AGBL3: variants seen among roughly 807,000 people sequenced by gnomAD.
AGBL3 encodes the protein cytosolic carboxypeptidase 3.
Under a neutral mutation model 94.5 loss-of-function variants are expected in AGBL3, and 68 were observed. The observed-to-expected ratio is 0.72, with a 90% CI of 0.59 to 0.88. AGBL3 has a LOEUF of 0.88. Among genes scored for constraint, AGBL3 ranks in the 40% least tolerant of loss-of-function variants. AGBL3 has a pLI of 0.00. For synonymous variants in AGBL3, 354 were observed against 370.7 expected, an observed-to-expected ratio of 0.95 and a Z score of 0.52; for missense variants, 934 against 1,103.8, an observed-to-expected ratio of 0.85 and a Z score of 2.18.
chr7:134,989,635 G>A lies in AGBL3; in HGVS notation c.124+325G>A, dbSNP rs145870607. Among the ~76,000 whole-genome samples, 355 of 152,242 alleles carry A rather than the reference G, an allele frequency of 2.3e-3. 1 individual carries two copies. Among genetic ancestry groups the A allele is most frequent in the African/African-American group, 7.8e-3 (326 of 41,552 alleles). ...GTTAGAAGTACATCTTCATTTAAAC[G>A]AAGTACATTGTCTAAAGAGTCTCAT... On this transcript the variant is annotated intron_variant, in intron 3 of 16. Coordinates refer to ENST00000436302, the MANE Select transcript of AGBL3 (RefSeq NM_178563.4).
At chr7:135,048,867 C>T (rs1038339301) in intron 11 of AGBL3, among the ~76,000 whole-genome samples, 8 of 151,296 alleles carry the variant, frequency 5.3e-5, no homozygotes, top group African/African-American at 1.9e-4. Context: ...CCTTTTCATT[C>T]GTTCTCTTGC....
chr7:135,072,711 C>G (rs1055879035), intron 12 of AGBL3, among the ~76,000 whole-genome samples: 3 of 140,734 alleles, frequency 2.1e-5, no homozygotes, highest in Non-Finnish European at 1.5e-5. Context: ...GGGAATTGAA[C>G]AATGAGAACA....
intron 12 of AGBL3, among the ~76,000 whole-genome samples, chr7:135,071,339 A>C (rs567360458): frequency 6.0e-4 from 92 of 152,256 alleles, no homozygotes; most frequent in Non-Finnish European, 1.1e-3. Context: ...ATACTGCCCA[A>C]GGTAATTTGT....
At chr7:135,077,731 CT>C (rs1469678557) in intron 13 of AGBL3, among the ~76,000 whole-genome samples, 4 of 151,824 alleles carry the variant, frequency 2.6e-5, no homozygotes, top group African/African-American at 9.7e-5. Flanking sequence ...CTTTATGCCC[CT>C]GAGTCAAATC....
intron 12 of AGBL3, among the ~76,000 whole-genome samples, chr7:135,062,135 T>C (rs1202555402): frequency 2.0e-5 from 3 of 152,080 alleles, no homozygotes; most frequent in East Asian, 1.9e-4. Context: ...TATTCCTACA[T>C]ATTTTTTGTA....
In AGBL3 at chr7:135,135,448, G is replaced by C. The variant is rs1562914452; in HGVS notation, c.*187G>C. Reference sequence around the variant, plus strand: ...GGAACATCTTTCAGAGATTTAAAAAGAAATCCAGAGAAAATATGGAAAAAT... The same window carrying C: ...GGAACATCTTTCAGAGATTTAAAAACAAATCCAGAGAAAATATGGAAAAAT... On this transcript the variant is annotated 3_prime_UTR_variant, in exon 17 of 17. Coordinates refer to ENST00000436302, the MANE Select transcript of AGBL3 (RefSeq NM_178563.4). 5 of 405,380 alleles carry C rather than the reference G, an allele frequency of 1.2e-5. No individual in the cohort carries two copies. The East Asian group carries it at 1.5e-4, about 12-fold the overall frequency. The allele number at this position is 405,380 out of a possible 1,614,324, so 25.1% of individuals were successfully genotyped here.
At chr7:135,053,364 T>C (rs533959649) in intron 11 of AGBL3, among the ~76,000 whole-genome samples, 7 of 152,146 alleles carry the variant, frequency 4.6e-5, no homozygotes, top group African/African-American at 1.7e-4. Context: ...TCCCAACACT[T>C]TGGGAGGCTG....
rs74392929 is a variant in AGBL3, at chr7:135,030,158, TAA to T, written c.419-2669_419-2668del. 2.6e-3 allele frequency among the ~76,000 whole-genome samples: 307 copies of T among 117,356 alleles called. 2 individuals are homozygous for T. Among genetic ancestry groups the T allele is most frequent in the African/African-American group, 7.2e-3 (236 of 32,606 alleles). The allele number at this position is 117,356 out of a possible 152,430, so 77.0% of individuals were successfully genotyped here. A position where few individuals can be genotyped will look rare whatever the true frequency, so the allele number is the denominator to read the frequency against. The stretch of plus-strand genomic sequence containing the variant: ...TGCTCAACACAAACCTTTAATTTGT[TAA>T]AAAAAAAAAAAAAAAAGAAAGAAAA... On this transcript the variant is annotated intron_variant, in intron 5 of 16. Transcript: ENST00000436302.
rs1023471224 is a variant in AGBL3, at chr7:135,081,611, T to C, written c.2039-108T>C. 3.2e-5 allele frequency: 21 copies of C among 656,852 alleles called. No homozygotes were observed. The African/African-American group carries it at 3.6e-4, about 11-fold the overall frequency. The allele number at this position is 656,852 out of a possible 1,614,324, so 40.7% of individuals were successfully genotyped here. The stretch of plus-strand genomic sequence containing the variant: ...TTAATTTCATTGAACTAAACTACTG[T>C]CTACAAGTTATTTACTAGCATTTTC... On this transcript the variant is annotated intron_variant, in intron 14 of 16. Coordinates refer to ENST00000436302, the MANE Select transcript of AGBL3 (RefSeq NM_178563.4).
chr7:135,112,355 A>G (rs1231887554), intron 15 of AGBL3, among the ~76,000 whole-genome samples: 2 of 152,194 alleles, frequency 1.3e-5, no homozygotes, highest in African/African-American at 4.8e-5. Context: ...TTTATTTAGC[A>G]TCTGTCAGTC....
chr7:135,115,858 A>G (rs1241859488), intron 16 of AGBL3: 1 of 394,936 alleles, frequency 2.5e-6, no homozygotes, highest in Non-Finnish European at 4.5e-6. Context: ...ATCTATTAAT[A>G]AAGTAGGCAT....
rs1485223238 is a variant in AGBL3, at chr7:135,005,540, T to C, written c.311-11512T>C. ...GTGGTAAGATGTCAACTCTCCCCAGTTGACATATAGGTTTCAAGAAATTCC... is the reference window on the plus strand; with the variant it reads ...GTGGTAAGATGTCAACTCTCCCCAGCTGACATATAGGTTTCAAGAAATTCC... On this transcript the variant is annotated intron_variant, in intron 4 of 16. Transcript: ENST00000436302. 3.3e-5 allele frequency among the ~76,000 whole-genome samples: 5 copies of C among 151,920 alleles called. 1 individual carries two copies. In the South Asian group the frequency reaches 6.2e-4, roughly 19 times the overall value.
intron 11 of AGBL3, among the ~76,000 whole-genome samples, chr7:135,048,126 T>A (rs1817544864): frequency 6.6e-6 from 1 of 152,008 alleles, no homozygotes; most frequent in Non-Finnish European, 1.5e-5. Flanking sequence ...TCCCATTGTG[T>A]ATCCTTGGCA....
chr7:135,031,134 G>A (rs758661552), intron 5 of AGBL3, among the ~76,000 whole-genome samples: 2 of 151,848 alleles, frequency 1.3e-5, no homozygotes, highest in African/African-American at 4.8e-5. Flanking sequence ...TTATCTTGGA[G>A]TCTGCTGAAT....
intron 5 of AGBL3, among the ~76,000 whole-genome samples, chr7:135,023,993 A>C (rs1814803289): frequency 6.6e-6 from 1 of 152,090 alleles, no homozygotes. Context: ...GTGAGTGCTG[A>C]GTGTAGATCT....
intron 4 of AGBL3, among the ~76,000 whole-genome samples, chr7:135,002,215 G>A (rs1369024868): frequency 1.3e-5 from 2 of 152,136 alleles, no homozygotes; most frequent in African/African-American, 4.8e-5. Context: ...TGACATTAAT[G>A]GTTATGGCTT....
chr7:135,099,645 A>G (rs1251213689), intron 15 of AGBL3, among the ~76,000 whole-genome samples: 1 of 152,024 alleles, frequency 6.6e-6, no homozygotes, highest in Non-Finnish European at 1.5e-5. Flanking sequence ...TAAGATTTTG[A>G]TTTTGAATTA....
chr7:135,135,000 A>G lies in AGBL3; in HGVS notation c.2502A>G (p.Lys834=), dbSNP rs760068106. Reference sequence around the variant, plus strand: ...CATTGGAAAGTTTATCACCTCTCAAAGGCCCCAAGAAGAATAAACATTCTC... The same window carrying G: ...CATTGGAAAGTTTATCACCTCTCAAGGGCCCCAAGAAGAATAAACATTCTC... ...HRSLESLSPL[K]GPKKNKHSQI... The change falls in exon 17 of 17, where the codon AAA becomes AAG. Residue 834 remains lysine (K), a synonymous_variant. Transcript: ENST00000436302. 1.3e-6 allele frequency: 2 copies of G among 1,551,194 alleles called. No individual in the cohort carries two copies. Among genetic ancestry groups the G allele is most frequent in the South Asian group, 2.4e-5 (2 of 84,038 alleles).
In AGBL3 at chr7:135,044,095, A is replaced by C. The variant is rs768032541; in HGVS notation, c.1571A>C (p.Lys524Thr). The change falls in exon 9 of 17, where the codon AAA becomes ACA. Residue 524 changes from lysine to threonine, a missense_variant. Physicochemically the swap from Lys to Thr is moderately conservative, Grantham distance 78. Transcript: ENST00000436302. ...KEGTGRVVMW[K>T]MGIRNSFTME... ...GGAACAGGAAGGGTGGTAATGTGGA[A>C]AATGGGAATCAGGAACAGCTTTACC... 2.6e-6 allele frequency: 4 copies of C among 1,550,980 alleles called. No homozygotes were observed. The highest frequency in any genetic ancestry group is 2.6e-6 in the Non-Finnish European group (3 of 1,146,320).
Sources: gnomAD v4.1 joint callset for allele counts (sites outside exome capture counted in the v4.1 genomes callset) on GRCh38, gnomAD v4.1.1 for gene constraint, MANE v1.5 for transcripts, NCBI Gene and HGNC (gene_info 2026-07-23, HGNC 2026-07-21) for gene names.